The following CSMD1 variants were observed in gnomAD, a reference collection of about 807,000 sequenced individuals.
The protein encoded by CSMD1 is CUB and sushi domain-containing protein 1.
A neutral mutation model predicts 417.5 loss-of-function variants in CSMD1; 213 were observed. That is an observed-to-expected ratio of 0.51 (90% CI 0.46 to 0.57). CSMD1 has a LOEUF of 0.57. Among genes scored for constraint, CSMD1 ranks in the 20% least tolerant of loss-of-function variants. CSMD1 has a pLI of 0.00. For missense variants in CSMD1, 6,923 were observed against 4,529.7 expected (o/e 1.53, Z -15.17); for synonymous variants, 2,862 against 1,736.8 (o/e 1.65, Z -16.11).
intron 5 of CSMD1, among the ~76,000 whole-genome samples, chr8:3,875,262 G>A (rs753065509): frequency 7.2e-5 from 11 of 152,174 alleles, no homozygotes; most frequent in Non-Finnish European, 1.6e-4. Context: ...TAGCTGAGAA[G>A]AAGGATAAAA....
intron 3 of CSMD1, among the ~76,000 whole-genome samples, chr8:4,043,176 C>G (rs1163168339): frequency 6.6e-6 from 1 of 152,090 alleles, no homozygotes; most frequent in South Asian, 2.1e-4. Flanking sequence ...TATAACATCA[C>G]AGTAGATTAT....
chr8:4,150,136 T>A (rs1470021127), intron 3 of CSMD1, among the ~76,000 whole-genome samples: 4 of 152,192 alleles, frequency 2.6e-5, no homozygotes, highest in South Asian at 2.1e-4. Flanking sequence ...TTTTAAGGAA[T>A]AAACTGTGAT....
intron 9 of CSMD1, among the ~76,000 whole-genome samples, chr8:3,581,526 C>T (rs1475414780): frequency 2.0e-5 from 3 of 152,178 alleles, no homozygotes; most frequent in African/African-American, 7.2e-5. Context: ...TTATCGAATG[C>T]TTCCATCAGA....
chr8:4,395,656 G>A (rs570153065), intron 3 of CSMD1, among the ~76,000 whole-genome samples: 40 of 151,498 alleles, frequency 2.6e-4, no homozygotes, highest in African/African-American at 9.5e-4. Flanking sequence ...GTTTTGATAA[G>A]ACTCTGTTCC....
intron 3 of CSMD1, among the ~76,000 whole-genome samples, chr8:4,077,722 A>C (rs960320582): frequency 2.6e-5 from 4 of 152,120 alleles, no homozygotes; most frequent in African/African-American, 7.2e-5. Context: ...TACCATTCTC[A>C]AATTTGCTCT....
intron 1 of CSMD1, among the ~76,000 whole-genome samples, chr8:4,695,041 C>A (rs927593829): frequency 6.6e-6 from 1 of 152,166 alleles, no homozygotes; most frequent in Non-Finnish European, 1.5e-5. Flanking sequence ...CTGTCATCTT[C>A]CCCCTTCCCC....
chr8:4,647,507 C>A (rs973913342), intron 1 of CSMD1, among the ~76,000 whole-genome samples: 2 of 150,404 alleles, frequency 1.3e-5, no homozygotes, highest in Admixed American at 1.3e-4. Context: ...TACGTAGGTA[C>A]GCGTGTGCCA....
At chr8:3,170,858 C>G (rs1301285240) in intron 37 of CSMD1, among the ~76,000 whole-genome samples, 1 of 152,132 alleles carries the variant, frequency 6.6e-6, no homozygotes, top group Non-Finnish European at 1.5e-5. Context: ...ACATTATTAC[C>G]TAATAATTAC....
chr8:4,740,784 T>C (rs1451994443), intron 1 of CSMD1, among the ~76,000 whole-genome samples: 2 of 152,150 alleles, frequency 1.3e-5, no homozygotes, highest in African/African-American at 4.8e-5. Context: ...CTCTTAGGTA[T>C]ATTTTCAAAG....
At chr8:3,362,169 AAACT>A (rs1292968330) in intron 20 of CSMD1, among the ~76,000 whole-genome samples, 3 of 152,202 alleles carry the variant, frequency 2.0e-5, no homozygotes, top group South Asian at 2.1e-4. Context: ...CCAACAAAAC[AAACT>A]AACAACACCA....
chr8:4,302,507 C>G (rs951737050), intron 3 of CSMD1, among the ~76,000 whole-genome samples: 3 of 152,106 alleles, frequency 2.0e-5, no homozygotes, highest in South Asian at 2.1e-4. Flanking sequence ...ACCACAGTAG[C>G]GTGCTTGCAT....
At chr8:3,002,866 G>A (rs569510239) in intron 52 of CSMD1, among the ~76,000 whole-genome samples, 1 of 152,150 alleles carries the variant, frequency 6.6e-6, no homozygotes, top group Non-Finnish European at 1.5e-5. Context: ...GGTTCTCTGA[G>A]GAATTGGCAC....
rs145924013 is a variant in CSMD1, at chr8:4,747,237, A to T, written c.86-109679T>A. On this transcript the variant is annotated intron_variant, in intron 1 of 69. Transcript: ENST00000635120. Reference sequence around the variant, plus strand: ...CCTTCAGTAATGAACACAGCATTTTATTGAGACATGCCTTTTTCATAAGTA... The same window carrying T: ...CCTTCAGTAATGAACACAGCATTTTTTTGAGACATGCCTTTTTCATAAGTA... 2.0e-5 allele frequency among the ~76,000 whole-genome samples: 3 copies of T among 152,308 alleles called. No homozygotes were observed. In the East Asian group the frequency reaches 5.8e-4, roughly 29 times the overall value.
At chr8:4,985,372 GT>G (rs33939777) in intron 1 of CSMD1, among the ~76,000 whole-genome samples, 1 of 126,776 alleles carries the variant, frequency 7.9e-6, no homozygotes, top group Non-Finnish European at 1.7e-5. Context: ...GAACTTAAAA[GT>G]TTTTTTTAAA....
intron 1 of CSMD1, among the ~76,000 whole-genome samples, chr8:4,716,302 A>T (rs1364382971): frequency 1.3e-5 from 2 of 152,226 alleles, no homozygotes; most frequent in East Asian, 1.9e-4. Flanking sequence ...GAAAGGGCAC[A>T]AAGAAGGTCA....
chr8:4,089,674 G>A (rs751004700), intron 3 of CSMD1, among the ~76,000 whole-genome samples: 12 of 152,166 alleles, frequency 7.9e-5, no homozygotes, highest in Non-Finnish European at 1.2e-4. Context: ...TTAGTAAAGT[G>A]CTTAACATAT....
intron 49 of CSMD1, among the ~76,000 whole-genome samples, chr8:3,085,460 C>T (rs1416008728): frequency 1.3e-5 from 2 of 152,108 alleles, no homozygotes; most frequent in Non-Finnish European, 2.9e-5. Context: ...AACTCTTCTT[C>T]CAAAACATGG....
chr8:3,758,333 G>A (rs909442417), intron 5 of CSMD1, among the ~76,000 whole-genome samples: 1 of 152,198 alleles, frequency 6.6e-6, no homozygotes, highest in Non-Finnish European at 1.5e-5. Flanking sequence ...CATTTTCCAT[G>A]AAGAAGCCAT....
chr8:4,025,759 T>C (rs1385417545), intron 4 of CSMD1, among the ~76,000 whole-genome samples: 1 of 152,186 alleles, frequency 6.6e-6, no homozygotes, highest in Non-Finnish European at 1.5e-5. Context: ...AATGTGATGT[T>C]TGTTCCCTGT....
Sources: gnomAD v4.1 joint callset for allele counts (sites outside exome capture counted in the v4.1 genomes callset) on GRCh38, gnomAD v4.1.1 for gene constraint, MANE v1.5 for transcripts, NCBI Gene and HGNC (gene_info 2026-07-23, HGNC 2026-07-21) for gene names.